Variants in PACRG observed in about 807,000 individuals in gnomAD.
The protein encoded by PACRG is parkin coregulated gene protein.
A neutral mutation model predicts 29.7 loss-of-function variants in PACRG; 29 were observed. That is an observed-to-expected ratio of 0.98 (90% CI 0.73 to 1.33). PACRG has a LOEUF of 1.33. PACRG is among the 40% of genes most tolerant of loss of function. The pLI is 0.00. For synonymous variants in PACRG, 116 were observed against 118.7 expected (o/e 0.98, Z 0.15); for missense variants, 279 against 316.2 (o/e 0.88, Z 0.89).
chr6:162,779,644 A>G (rs888224088), intron 1 of PACRG, among the ~76,000 whole-genome samples: 12 of 152,220 alleles, frequency 7.9e-5, no homozygotes, highest in African/African-American at 2.7e-4. Context: ...GAGGCCAGGG[A>G]AAAGATAGTC....
At chr6:163,128,345 AT>A (rs1028682008) in intron 4 of PACRG, among the ~76,000 whole-genome samples, 42 of 152,344 alleles carry the variant, frequency 2.8e-4, no homozygotes, top group Non-Finnish European at 4.6e-4. Flanking sequence ...GGCACTAAGT[AT>A]ATTAGGAAAC....
At chr6:163,100,761 A>G in intron 4 of PACRG, 1 of 981,552 alleles carries the variant, frequency 1.0e-6, no homozygotes, top group African/African-American at 1.7e-5. Context: ...TTACTTTGAC[A>G]GAATGGAATA....
chr6:162,780,089 A>G (rs1375871307), intron 1 of PACRG, among the ~76,000 whole-genome samples: 1 of 152,246 alleles, frequency 6.6e-6, no homozygotes, highest in Non-Finnish European at 1.5e-5. Flanking sequence ...GGTCCCCCTC[A>G]GTGCATGTGT....
At chr6:162,758,245 C>T (rs1231443080) in intron 1 of PACRG, among the ~76,000 whole-genome samples, 1 of 151,988 alleles carries the variant, frequency 6.6e-6, no homozygotes, top group African/African-American at 2.4e-5. Flanking sequence ...TTAAAATGAA[C>T]TATTTGAAAT....
rs1791381001 is a variant in PACRG at position 162,856,215 on chromosome 6, T to C, written c.291+41934T>C. ...CTGGGACTACAGTAGTGTGCCACCATGCCTGGTAATTTTTTAAATTTTTTG... is the reference window on the plus strand; with the variant it reads ...CTGGGACTACAGTAGTGTGCCACCACGCCTGGTAATTTTTTAAATTTTTTG... On this transcript the variant is annotated intron_variant, in intron 2 of 4. Transcript: ENST00000366888. Among the ~76,000 whole-genome samples, 4 of 151,984 alleles carry C rather than the reference T, an allele frequency of 2.6e-5. No individual in the cohort carries two copies. The South Asian group carries it at 8.3e-4, about 32-fold the overall frequency.
At chr6:162,886,559 C>T (rs1303087913) in intron 2 of PACRG, among the ~76,000 whole-genome samples, 1 of 152,198 alleles carries the variant, frequency 6.6e-6, no homozygotes, top group African/African-American at 2.4e-5. Flanking sequence ...GCAGCAGCAA[C>T]ATGAGGAATA....
rs543425989 is a variant in PACRG, at chr6:162,792,264, C to T, written c.157-21883C>T. Among the ~76,000 whole-genome samples, 21 of 151,972 alleles carry T rather than the reference C, an allele frequency of 1.4e-4. 1 individual carries two copies. The South Asian group carries it at 1.9e-3, about 14-fold the overall frequency. ...GGTGAGTGCAAGGGAGAGATTGTAC[C>T]GACTGACCATGACTTTAAACTGGGT... On this transcript the variant is annotated intron_variant, in intron 1 of 4. Coordinates refer to ENST00000366888, the MANE Select transcript of PACRG (RefSeq NM_001080379.2).
chr6:163,120,636 TCTC>T lies in PACRG; in HGVS notation c.613+31232_613+31234del, dbSNP rs143454287. 3.6e-3 allele frequency among the ~76,000 whole-genome samples: 555 copies of T among 152,244 alleles called. 7 individuals are homozygous for T. Among genetic ancestry groups the T allele is most frequent in the African/African-American group, 0.013 (530 of 41,524 alleles). ...GCAAGGCAGAAATCTGCGTCTACTT[TCTC>T]CTCATCAGCAAAAGTAGTTCTACTT... On this transcript the variant is annotated intron_variant, in intron 4 of 4. Coordinates refer to ENST00000366888, the MANE Select transcript of PACRG (RefSeq NM_001080379.2).
chr6:163,213,188 C>A (rs1781224005), intron 4 of PACRG, among the ~76,000 whole-genome samples: 1 of 152,012 alleles, frequency 6.6e-6, no homozygotes, highest in Non-Finnish European at 1.5e-5. Flanking sequence ...GCCAGAAATG[C>A]AAAACCTGAC....
chr6:163,254,154 A>G (rs1481800112), intron 4 of PACRG, among the ~76,000 whole-genome samples: 1 of 152,224 alleles, frequency 6.6e-6, no homozygotes, highest in East Asian at 1.9e-4. Flanking sequence ...ATGCAACAGC[A>G]CTTTAAAAAA....
intron 2 of PACRG, among the ~76,000 whole-genome samples, chr6:162,875,380 C>T (rs1793246123): frequency 6.6e-6 from 1 of 152,130 alleles, no homozygotes; most frequent in East Asian, 1.9e-4. Flanking sequence ...CATACACAGA[C>T]ATTCACACAC....
intron 2 of PACRG, among the ~76,000 whole-genome samples, chr6:162,963,865 G>A (rs1454660858): frequency 2.6e-5 from 4 of 151,932 alleles, no homozygotes; most frequent in Admixed American, 2.0e-4. Flanking sequence ...CAATATATCA[G>A]TTAGATCATG....
chr6:162,918,051 G>A (rs1796817582), intron 2 of PACRG, among the ~76,000 whole-genome samples: 1 of 152,034 alleles, frequency 6.6e-6, no homozygotes, highest in African/African-American at 2.4e-5. Context: ...TTGTCATTTT[G>A]TTAGTAGATT....
At chr6:163,109,767 T>A (rs749571703) in intron 4 of PACRG, among the ~76,000 whole-genome samples, 3 of 152,220 alleles carry the variant, frequency 2.0e-5, no homozygotes, top group Non-Finnish European at 4.4e-5. Context: ...GGATTTCCAC[T>A]TTTTAAAGAA....
intron 3 of PACRG, among the ~76,000 whole-genome samples, chr6:163,074,243 A>T (rs1812336232): frequency 6.6e-6 from 1 of 152,222 alleles, no homozygotes; most frequent in South Asian, 2.1e-4. Flanking sequence ...TTTAGTCATA[A>T]AAAAGAATGA....
chr6:163,300,178 C>T (rs565761298), intron 4 of PACRG, among the ~76,000 whole-genome samples: 5 of 152,328 alleles, frequency 3.3e-5, no homozygotes, highest in Non-Finnish European at 5.9e-5. Flanking sequence ...AGATGGCAGG[C>T]GCCAGACTTA....
chr6:163,225,865 A>G (rs144197375), intron 4 of PACRG, among the ~76,000 whole-genome samples: 2,613 of 152,300 alleles, frequency 0.017, 32 homozygotes, highest in Non-Finnish European at 0.029. Flanking sequence ...TACACAATGG[A>G]ATACTATTCA....
intron 4 of PACRG, among the ~76,000 whole-genome samples, chr6:163,280,594 G>A (rs923751513): frequency 1.3e-5 from 2 of 152,188 alleles, no homozygotes. Context: ...CCACAAAAAT[G>A]TATAATCTCA....
intron 4 of PACRG, among the ~76,000 whole-genome samples, chr6:163,175,246 A>G (rs1328537649): frequency 6.6e-6 from 1 of 152,174 alleles, no homozygotes; most frequent in Non-Finnish European, 1.5e-5. Flanking sequence ...GGAGGGAAGA[A>G]CAGCTAACTT....
Sources: gnomAD v4.1 joint callset for allele counts (sites outside exome capture counted in the v4.1 genomes callset) on GRCh38, gnomAD v4.1.1 for gene constraint, MANE v1.5 for transcripts, NCBI Gene and HGNC (gene_info 2026-07-23, HGNC 2026-07-21) for gene names.